Variants in BTRC observed in about 807,000 individuals in gnomAD.
The protein encoded by BTRC is beta-transducin repeat containing E3 ubiquitin protein ligase.
Under a neutral mutation model 85.5 loss-of-function variants are expected in BTRC, and 42 were observed. The observed-to-expected ratio is 0.49, with a 90% CI of 0.38 to 0.64. BTRC has a LOEUF of 0.64. BTRC is among the 30% of genes least tolerant of loss of function. The pLI is 0.00. For synonymous variants in BTRC, 255 were observed against 263.3 expected (o/e 0.97, Z 0.30); for missense variants, 594 against 743.5 (o/e 0.80, Z 2.34).
intron 1 of BTRC, among the ~76,000 whole-genome samples, chr10:101,426,130 C>T (rs549066041): frequency 5.9e-5 from 9 of 152,134 alleles, no homozygotes; most frequent in South Asian, 4.1e-4. Flanking sequence ...CCTTCTTTTA[C>T]GAAATGCTTC....
At chr10:101,426,097 A>G (rs1944244874) in intron 1 of BTRC, among the ~76,000 whole-genome samples, 1 of 152,156 alleles carries the variant, frequency 6.6e-6, no homozygotes, top group Non-Finnish European at 1.5e-5. Context: ...TTTGTTCCTC[A>G]TTGCCCAAAT....
intron 1 of BTRC, among the ~76,000 whole-genome samples, chr10:101,404,026 A>ATTTTTTTTTTTTT (rs1438676972): frequency 3.8e-5 from 1 of 26,212 alleles, no homozygotes; most frequent in Non-Finnish European, 7.1e-5. Flanking sequence ...ATATATATAT[A>ATTTTTTTTTTTTT]TATATTTTTT....
At chr10:101,458,255 G>A (rs878954962) in intron 2 of BTRC, among the ~76,000 whole-genome samples, 19 of 152,114 alleles carry the variant, frequency 1.2e-4, no homozygotes, top group African/African-American at 4.3e-4. Flanking sequence ...AGTGATAAAA[G>A]CCAGATTCAA....
chr10:101,532,775 TGTGTGTGTGTGTGTGCGCGTGTGCGC>T (rs1183936923), intron 8 of BTRC, among the ~76,000 whole-genome samples, 151 bp from the exon 9 acceptor site: 11 of 72,388 alleles, frequency 1.5e-4, no homozygotes, highest in Non-Finnish European at 2.4e-4. Context: ...TGTGTGTGTG[TGTGTGTGTGTGTGTGCGCGTGTGCGC>T]GCGCGCGCGC....
chr10:101,474,979 A>G (rs1945638677), intron 3 of BTRC, among the ~76,000 whole-genome samples: 1 of 152,222 alleles, frequency 6.6e-6, no homozygotes, highest in African/African-American at 2.4e-5. Context: ...TTCAGCAAAT[A>G]CTGATTACTT....
chr10:101,404,278 C>G (rs1943566390), intron 1 of BTRC, among the ~76,000 whole-genome samples: 1 of 151,614 alleles, frequency 6.6e-6, no homozygotes, highest in African/African-American at 2.4e-5. Context: ...GATCCGCCCT[C>G]CTCGGCCTCC....
At chr10:101,503,565 G>A (rs796844724) in intron 4 of BTRC, among the ~76,000 whole-genome samples, 9 of 152,270 alleles carry the variant, frequency 5.9e-5, no homozygotes, top group African/African-American at 2.2e-4. Flanking sequence ...TCAGTCCCTT[G>A]ATGTTCCCAG....
rs1298823274 is a variant in BTRC, at chr10:101,415,481, TTTATTTTATGTTATG to T, written c.49-14859_49-14845del. On this transcript the variant is annotated intron_variant, in intron 1 of 14. Transcript: ENST00000370187. Reference sequence around the variant, plus strand: ...CCACTTTTATTTTATTTTATTTTATTTTATTTTATGTTATGTTATGTTATGTTATGTTATGTTATG... The same window carrying T: ...CCACTTTTATTTTATTTTATTTTATTTTATGTTATGTTATGTTATGTTATG... Among the ~76,000 whole-genome samples the T allele has an allele frequency of 7.4e-3, 42 of 5,670 alleles. 1 individual carries two copies. Among genetic ancestry groups the T allele is most frequent in the African/African-American group, 8.1e-3 (42 of 5,180 alleles). 3.7% of individuals were successfully genotyped at this position (5,670 alleles called of 152,430 possible). A position where few individuals can be genotyped will look rare whatever the true frequency, so the allele number is the denominator to read the frequency against.
intron 13 of BTRC, among the ~76,000 whole-genome samples, 177 bp from the exon 14 acceptor site, chr10:101,550,521 AT>A (rs2062632916): frequency 6.6e-6 from 1 of 152,082 alleles, no homozygotes; most frequent in Non-Finnish European, 1.5e-5. Flanking sequence ...TGACCTCGTG[AT>A]CCGCATGCCT....
intron 9 of BTRC, among the ~76,000 whole-genome samples, chr10:101,534,042 A>T (rs1435917986): frequency 6.6e-6 from 1 of 152,254 alleles, no homozygotes; most frequent in East Asian, 1.9e-4. Context: ...AATACACAAA[A>T]ATAGAATAAT....
intron 5 of BTRC, among the ~76,000 whole-genome samples, chr10:101,523,946 A>C (rs1038720041): frequency 2.6e-5 from 4 of 152,148 alleles, no homozygotes; most frequent in African/African-American, 7.2e-5. Flanking sequence ...GAAAAAATAC[A>C]GACATAGAAT....
In BTRC at chr10:101,534,588, G is replaced by C. The variant is rs2062356274; in HGVS notation, c.1098-73G>C. ...CTCTCTCTAAATATAAGGGGTGGAA[G>C]GGCGCATGATGGTCAAATATAGGTA... On this transcript the variant is annotated intron_variant, in intron 9 of 14. Coordinates refer to ENST00000370187, the MANE Select transcript of BTRC (RefSeq NM_033637.4). 7 of 1,573,240 alleles carry C rather than the reference G, an allele frequency of 4.4e-6. 1 individual carries two copies. The Admixed American group carries it at 1.2e-4, about 26-fold the overall frequency.
intron 1 of BTRC, among the ~76,000 whole-genome samples, chr10:101,362,877 G>A (rs78619998): frequency 7.9e-5 from 12 of 152,156 alleles, no homozygotes; most frequent in African/African-American, 2.4e-4. Flanking sequence ...AAAACAATAC[G>A]TATAACAACT....
At position 101,386,597 on chromosome 10, in the gene BTRC, TAAA is replaced by T; in HGVS notation, c.48+32372_48+32374del. Among the ~76,000 whole-genome samples the T allele has an allele frequency of 6.6e-5, 10 of 152,316 alleles. 1 individual carries two copies. The highest frequency in any genetic ancestry group is 2.4e-4 in the African/African-American group (10 of 41,572). ...AAAAAGAGTTTTTATGAGATATCGA[TAAA>T]AAGTATTGTGGAATACTTCTTCTTT... On this transcript the variant is annotated intron_variant, in intron 1 of 14. Transcript: ENST00000370187.
intron 1 of BTRC, among the ~76,000 whole-genome samples, chr10:101,368,479 T>C (rs914270658): frequency 1.9e-3 from 261 of 136,918 alleles, no homozygotes; most frequent in South Asian, 9.9e-3. Context: ...TTTTTTTTTT[T>C]TTTTTTTTTT....
At chr10:101,510,026 C>T (rs189010666) in intron 4 of BTRC, among the ~76,000 whole-genome samples, 142 of 151,800 alleles carry the variant, frequency 9.4e-4, no homozygotes, top group Admixed American at 2.5e-3. Flanking sequence ...ATTAGCTGCG[C>T]GTGGTGTTAC....
chr10:101,390,450 G>A (rs1943208255), intron 1 of BTRC, among the ~76,000 whole-genome samples: 1 of 149,884 alleles, frequency 6.7e-6, no homozygotes, highest in Non-Finnish European at 1.5e-5. Flanking sequence ...CCATTCTCCT[G>A]CCTCAGTCTC....
chr10:101,438,317 C>T (rs1017061033), intron 2 of BTRC, among the ~76,000 whole-genome samples: 5 of 144,508 alleles, frequency 3.5e-5, no homozygotes, highest in African/African-American at 1.3e-4. Flanking sequence ...CCCAGCTCCT[C>T]GGGAGGCTGA....
chr10:101,532,810 G>GCA, intron 8 of BTRC, 142 bp from the exon 9 acceptor site: 4 of 676,534 alleles, frequency 5.9e-6, no homozygotes. Flanking sequence ...GCGCGCGCGC[G>GCA]CTTAGCTATA....
Sources: gnomAD v4.1 joint callset for allele counts (sites outside exome capture counted in the v4.1 genomes callset) on GRCh38, gnomAD v4.1.1 for gene constraint, MANE v1.5 for transcripts, NCBI Gene and HGNC (gene_info 2026-07-23, HGNC 2026-07-21) for gene names.